SDC3: variants seen among roughly 807,000 people sequenced by gnomAD.
SDC3 encodes the protein syndecan 3.
Under a neutral mutation model 24.4 loss-of-function variants are expected in SDC3, and 13 were observed. The ratio of observed to expected loss-of-function variants is 0.53; its 90% CI spans 0.35 to 0.85. SDC3 has a LOEUF of 0.85. SDC3 is among the 40% of genes least tolerant of loss of function. SDC3 has a pLI of 0.01. For missense variants in SDC3, 571 were observed against 584.5 expected (o/e 0.98, Z 0.24); for synonymous variants, 295 against 260.9 (o/e 1.13, Z -1.26).
chr1:30,892,805 G>C (rs1026462323), intron 1 of SDC3, among the ~76,000 whole-genome samples: 1 of 152,148 alleles, frequency 6.6e-6, no homozygotes, highest in African/African-American at 2.4e-5. Flanking sequence ...GACAACACAG[G>C]CTCAGAGGAC....
Position 30,908,592 on chromosome 1 carries a change from C to CGGCGCG in SDC3, c.-12_-7dup, listed in dbSNP as rs1443587515. 4.8e-5 allele frequency: 47 copies of CGGCGCG among 972,296 alleles called. No homozygotes were observed. Among genetic ancestry groups the CGGCGCG allele is most frequent in the South Asian group, 1.4e-4 (3 of 21,742 alleles). 60.2% of individuals were successfully genotyped at this position (972,296 alleles called of 1,614,324 possible). A position where few individuals can be genotyped will look rare whatever the true frequency, so the allele number is the denominator to read the frequency against. ...TGCGGCGGCCCCGGCTTCATGGCGG[C>CGGCGCG]GGCGCGGGCGCGGGCGGCGGGCGGC... is the stretch of plus-strand genomic sequence containing the variant. On this transcript the variant is annotated 5_prime_UTR_variant, in exon 1 of 5. Coordinates refer to ENST00000339394, the MANE Select transcript of SDC3 (RefSeq NM_014654.4).
chr1:30,874,128 C>CA (rs761924015), intron 4 of SDC3, among the ~76,000 whole-genome samples, 169 bp downstream of exon 4: 19 of 152,104 alleles, frequency 1.2e-4, no homozygotes, highest in Non-Finnish European at 2.6e-4. Flanking sequence ...TGGGAGGAGC[C>CA]AGAAGGCAGG....
At chr1:30,883,019 G>A (rs1215236225) in intron 1 of SDC3, among the ~76,000 whole-genome samples, 1 of 152,210 alleles carries the variant, frequency 6.6e-6, no homozygotes, top group Non-Finnish European at 1.5e-5. Flanking sequence ...GTTAGTTTAT[G>A]TTAAAATTTC....
At chr1:30,886,166 G>C (rs1003149085) in intron 1 of SDC3, among the ~76,000 whole-genome samples, 1 of 151,900 alleles carries the variant, frequency 6.6e-6, no homozygotes, top group Non-Finnish European at 1.5e-5. Context: ...GGGAACACGG[G>C]CTCCTTCAGG....
Position 30,876,464 on chromosome 1 carries a change from C to T in SDC3, c.870+88G>A, listed in dbSNP as rs1569991480. ...TGGCTCATCTCTATAGCCTCCTGGTCCTCAGTCCTGTCCAGCCCCATCCTC... is the reference window on the plus strand; with the variant it reads ...TGGCTCATCTCTATAGCCTCCTGGTTCTCAGTCCTGTCCAGCCCCATCCTC... On this transcript the variant is annotated intron_variant, in intron 3 of 4. Transcript: ENST00000339394. 9 of 1,197,480 alleles carry T rather than the reference C, an allele frequency of 7.5e-6. No homozygotes were observed. The East Asian group carries it at 2.2e-4, about 30-fold the overall frequency. The allele number at this position is 1,197,480 out of a possible 1,614,324, so 74.2% of individuals were successfully genotyped here.
At position 30,883,213 on chromosome 1, in the gene SDC3, G is replaced by A. The variant is rs187949607; in HGVS notation, c.139-4473C>T. Among the ~76,000 whole-genome samples, 159 of 152,290 alleles carry A rather than the reference G, an allele frequency of 1.0e-3. 1 individual carries two copies. The highest frequency in any genetic ancestry group is 6.8e-3 in the Middle Eastern group (2 of 292). ...CAAAAAGAGAGAGGTTGGATGAAGG[G>A]GGAGAAAGGGCAAGTTACAGAAACA... On this transcript the variant is annotated intron_variant, in intron 1 of 4. Transcript: ENST00000339394.
At chr1:30,886,307 T>C (rs911049411) in intron 1 of SDC3, among the ~76,000 whole-genome samples, 7 of 152,142 alleles carry the variant, frequency 4.6e-5, no homozygotes, top group African/African-American at 1.7e-4. Context: ...AGGCACTAGA[T>C]ATGTCCCCAC....
In SDC3 at chr1:30,899,406, G is replaced by A. The variant is rs554802101; in HGVS notation, c.138+9043C>T. 3.9e-5 allele frequency among the ~76,000 whole-genome samples: 6 copies of A among 152,048 alleles called. No homozygotes were observed. The East Asian group carries it at 9.7e-4, about 25-fold the overall frequency. On this transcript the variant is annotated intron_variant, in intron 1 of 4. Coordinates refer to ENST00000339394, the MANE Select transcript of SDC3 (RefSeq NM_014654.4). ...GCCTTGTTGTTTTTGAGACAGTCGC[G>A]CTCTGTCACCCAGGCGAGAGTGCAG...
Position 30,876,718 on chromosome 1 carries a change from G to A in SDC3, c.704C>T (p.Thr235Met), listed in dbSNP as rs746250620. ...TTPEAPSPPT[T>M]AAVLDTEAPT... ...GGCCTCGGTGTCCAAGACAGCCGCC[G>A]TGGTGGGCGGGGAGGGCGCCTCGGG... Residue 235 changes from threonine to methionine, a missense_variant, in exon 3 of 5, where the codon ACG becomes ATG. Around this residue, in one of 2 missense-constraint regions of SDC3, gnomAD observed 497 missense variants for 471.6 expected, o/e 1.05. Transcript: ENST00000339394. The A allele has an allele frequency of 2.4e-5, 38 of 1,596,234 alleles. No individual in the cohort carries two copies. Among genetic ancestry groups the A allele is most frequent in the Admixed American group, 1.2e-4 (7 of 57,406 alleles).
At chr1:30,895,912 G>A (rs1639992898) in intron 1 of SDC3, among the ~76,000 whole-genome samples, 1 of 152,028 alleles carries the variant, frequency 6.6e-6, no homozygotes, top group Non-Finnish European at 1.5e-5. Context: ...AGGAGATGGA[G>A]AGGAGGGAGG....
chr1:30,894,364 G>GTA (rs1639959923), intron 1 of SDC3, among the ~76,000 whole-genome samples: 2 of 124,124 alleles, frequency 1.6e-5, no homozygotes, highest in Admixed American at 7.5e-5. Context: ...GTGTGTGTGA[G>GTA]TGTGTGTGTG....
At chr1:30,908,921 G>T (rs1252779969), upstream of SDC3, among the ~76,000 whole-genome samples, 2 of 151,268 alleles carry the variant, frequency 1.3e-5, no homozygotes, top group Non-Finnish European at 3.0e-5. Flanking sequence ...CCCACCCAGA[G>T]GGAGCCCCGC....
At chr1:30,889,131 C>G (rs1013775062) in intron 1 of SDC3, among the ~76,000 whole-genome samples, 1 of 152,236 alleles carries the variant, frequency 6.6e-6, no homozygotes, top group African/African-American at 2.4e-5. Context: ...ACCAGCTACG[C>G]GACTCTGGGC....
At chr1:30,896,176 G>T (rs1318083620) in intron 1 of SDC3, among the ~76,000 whole-genome samples, 1 of 152,190 alleles carries the variant, frequency 6.6e-6, no homozygotes, top group East Asian at 1.9e-4. Context: ...GAGTGAAACA[G>T]ATTGAGGACG....
intron 1 of SDC3, among the ~76,000 whole-genome samples, chr1:30,883,971 C>T (rs892736457): frequency 2.0e-5 from 3 of 152,158 alleles, no homozygotes; most frequent in Admixed American, 1.3e-4. Flanking sequence ...AGATCCACCC[C>T]GGAGACCCAG....
At chr1:30,899,421 C>T (rs1478649003) in intron 1 of SDC3, among the ~76,000 whole-genome samples, 1 of 152,066 alleles carries the variant, frequency 6.6e-6, no homozygotes, top group African/African-American at 2.4e-5. Context: ...GTCACCCAGG[C>T]GAGAGTGCAG....
chr1:30,889,542 A>G (rs1639876999), intron 1 of SDC3, among the ~76,000 whole-genome samples: 1 of 152,126 alleles, frequency 6.6e-6, no homozygotes, highest in Non-Finnish European at 1.5e-5. Context: ...GGGTTGTTCT[A>G]GATATTATGC....
intron 1 of SDC3, among the ~76,000 whole-genome samples, chr1:30,884,486 C>G (rs1169376124): frequency 6.6e-6 from 1 of 152,136 alleles, no homozygotes; most frequent in East Asian, 1.9e-4. Context: ...CCTCCCTACC[C>G]CAAGCCTGTA....
intron 1 of SDC3, among the ~76,000 whole-genome samples, chr1:30,905,944 T>A (rs1417709279): frequency 7.1e-6 from 1 of 140,604 alleles, no homozygotes; most frequent in Non-Finnish European, 1.5e-5. Context: ...GCTATCCCCA[T>A]GCTGAAAGAC....
Sources: gnomAD v4.1 joint callset for allele counts (sites outside exome capture counted in the v4.1 genomes callset) on GRCh38, gnomAD v4.1.1 for gene constraint, gnomAD v4.1.1 regional missense constraint, MANE v1.5 for transcripts, NCBI Gene and HGNC (gene_info 2026-07-23, HGNC 2026-07-21) for gene names.